The following SLC4A10 variants were observed in gnomAD, a reference collection of about 807,000 sequenced individuals.
SLC4A10 encodes the protein sodium-driven chloride bicarbonate exchanger.
A neutral mutation model predicts 137.7 loss-of-function variants in SLC4A10; 42 were observed. The ratio of observed to expected loss-of-function variants is 0.30; its 90% CI spans 0.24 to 0.39. SLC4A10 has a LOEUF of 0.39. Ranked by LOEUF, SLC4A10 falls within the 10% of genes least tolerant of loss-of-function variation. The probability of loss-of-function intolerance (pLI) is 1.00; values close to 1 mark genes in which losing one functional copy is unlikely to be tolerated. For synonymous variants in SLC4A10, 474 were observed against 464.1 expected (o/e 1.02, Z -0.27); for missense variants, 925 against 1,355.0 (o/e 0.68, Z 4.98).
Position 161,814,118 on chromosome 2 carries a change from A to G in SLC4A10, c.277+9523A>G, listed in dbSNP as rs144264558. ...CAACGTGATTAAAAAGTGGGTAAAG[A>G]CATGAACAGACACTTCTTAAAAGAA... is the stretch of plus-strand genomic sequence containing the variant. On this transcript the variant is annotated intron_variant, in intron 3 of 26. Transcript: ENST00000446997. 1.4e-3 allele frequency among the ~76,000 whole-genome samples: 209 copies of G among 152,266 alleles called. 1 individual carries two copies. Among genetic ancestry groups the G allele is most frequent in the African/African-American group, 4.7e-3 (197 of 41,576 alleles).
chr2:161,802,088 T>G (rs989322758), intron 2 of SLC4A10, among the ~76,000 whole-genome samples: 4 of 152,140 alleles, frequency 2.6e-5, no homozygotes, highest in Admixed American at 6.6e-5. Flanking sequence ...TGCATTTTAA[T>G]TGTCTATAAT....
chr2:161,922,266 T>G (rs944277319), intron 15 of SLC4A10, among the ~76,000 whole-genome samples: 3 of 152,130 alleles, frequency 2.0e-5, no homozygotes, highest in Admixed American at 2.0e-4. Context: ...TGTTAGCTAA[T>G]TGTGGTGGTG....
chr2:161,647,982 T>C (rs1370160517), intron 1 of SLC4A10, among the ~76,000 whole-genome samples: 1 of 152,220 alleles, frequency 6.6e-6, no homozygotes. Flanking sequence ...TTACTAGTGG[T>C]ATAGCATTCA....
intron 2 of SLC4A10, among the ~76,000 whole-genome samples, chr2:161,796,466 G>A (rs1421698604): frequency 6.6e-6 from 1 of 152,154 alleles, no homozygotes; most frequent in Non-Finnish European, 1.5e-5. Flanking sequence ...GGCTGGGCAT[G>A]TTTACATGGT....
chr2:161,702,340 A>C (rs2043210067), intron 1 of SLC4A10, among the ~76,000 whole-genome samples: 1 of 151,922 alleles, frequency 6.6e-6, no homozygotes, highest in African/African-American at 2.4e-5. Flanking sequence ...AATTTCACTT[A>C]AGGGATTATT....
At chr2:161,863,415 C>T (rs1178017878) in intron 6 of SLC4A10, among the ~76,000 whole-genome samples, 1 of 152,128 alleles carries the variant, frequency 6.6e-6, no homozygotes, top group Non-Finnish European at 1.5e-5. Flanking sequence ...AGGGCTTTGA[C>T]TTACGCCATA....
intron 2 of SLC4A10, among the ~76,000 whole-genome samples, chr2:161,802,609 T>C (rs780844404): frequency 3.7e-4 from 57 of 152,122 alleles, no homozygotes; most frequent in Admixed American, 9.2e-4. Flanking sequence ...ATTAGTTGAC[T>C]GGGGCTGCCA....
chr2:161,745,362 C>T (rs1282464740), intron 1 of SLC4A10, among the ~76,000 whole-genome samples: 1 of 152,150 alleles, frequency 6.6e-6, no homozygotes, highest in Non-Finnish European at 1.5e-5. Context: ...TCGTGTTCTT[C>T]AGTTTGTCAC....
At chr2:161,905,126 G>A (rs1181484295) in intron 14 of SLC4A10, among the ~76,000 whole-genome samples, 2 of 152,140 alleles carry the variant, frequency 1.3e-5, no homozygotes, top group Admixed American at 6.5e-5. Context: ...TCAGTTATAA[G>A]CATCGATAAA....
At chr2:161,731,621 TTTAAC>T (rs946651249) in intron 1 of SLC4A10, among the ~76,000 whole-genome samples, 2 of 152,112 alleles carry the variant, frequency 1.3e-5, no homozygotes, top group Non-Finnish European at 2.9e-5. Context: ...CTAAAATTAG[TTTAAC>T]TTATTACTCA....
intron 3 of SLC4A10, among the ~76,000 whole-genome samples, chr2:161,807,961 T>G (rs1167045758): frequency 2.0e-5 from 3 of 152,074 alleles, no homozygotes; most frequent in Non-Finnish European, 1.5e-5. Flanking sequence ...ATTTATCAAT[T>G]TCATGAAGAT....
At chr2:161,776,396 C>T (rs539806465) in intron 2 of SLC4A10, among the ~76,000 whole-genome samples, 1 of 152,038 alleles carries the variant, frequency 6.6e-6, no homozygotes, top group African/African-American at 2.4e-5. Context: ...AACAACCATT[C>T]TACCTTCTGT....
chr2:161,856,541 A>G (rs994562617), intron 5 of SLC4A10, among the ~76,000 whole-genome samples: 1 of 152,116 alleles, frequency 6.6e-6, no homozygotes, highest in Non-Finnish European at 1.5e-5. Flanking sequence ...AGAAATATCC[A>G]GGCTACTGTA....
chr2:161,643,313 T>C (rs762680573), intron 1 of SLC4A10, among the ~76,000 whole-genome samples: 1 of 152,110 alleles, frequency 6.6e-6, no homozygotes, highest in Non-Finnish European at 1.5e-5. Context: ...GCAGTTTGGA[T>C]ATTAGCATTT....
At chr2:161,835,929 A>G (rs1337977172) in intron 3 of SLC4A10, among the ~76,000 whole-genome samples, 1 of 152,224 alleles carries the variant, frequency 6.6e-6, no homozygotes, top group Non-Finnish European at 1.5e-5. Flanking sequence ...GTTGAGGTAT[A>G]TACTGTAGAT....
At chr2:161,792,009 ATC>A (rs370805898) in intron 2 of SLC4A10, among the ~76,000 whole-genome samples, 1 of 152,272 alleles carries the variant, frequency 6.6e-6, no homozygotes, top group African/African-American at 2.4e-5. Context: ...TACATTTTAC[ATC>A]TCTAAGTTAG....
At chr2:161,786,901 T>A (rs1194859056) in intron 2 of SLC4A10, among the ~76,000 whole-genome samples, 1 of 151,958 alleles carries the variant, frequency 6.6e-6, no homozygotes, top group Non-Finnish European at 1.5e-5. Flanking sequence ...TTTGTCCCAA[T>A]CATAGTATTG....
chr2:161,631,522 G>A (rs1046927757), intron 1 of SLC4A10, among the ~76,000 whole-genome samples: 1 of 151,600 alleles, frequency 6.6e-6, no homozygotes. Flanking sequence ...AGATTGGTCA[G>A]GGTTTCAGGT....
intron 3 of SLC4A10, among the ~76,000 whole-genome samples, 170 bp from the exon 4 acceptor site, chr2:161,839,619 G>T (rs1331407920): frequency 6.6e-6 from 1 of 151,960 alleles, no homozygotes; most frequent in African/African-American, 2.4e-5. Flanking sequence ...TGATGAATTT[G>T]GTTTTAGTTC....
Sources: gnomAD v4.1 joint callset for allele counts (sites outside exome capture counted in the v4.1 genomes callset) on GRCh38, gnomAD v4.1.1 for gene constraint, MANE v1.5 for transcripts, NCBI Gene and HGNC (gene_info 2026-07-23, HGNC 2026-07-21) for gene names.